The following AHR variants were observed in gnomAD, a reference collection of about 807,000 sequenced individuals.
AHR encodes the protein AH-receptor.
AHR carries 40 observed loss-of-function variants against 86.8 expected under a neutral mutation model. The ratio of observed to expected loss-of-function variants is 0.46; its 90% CI spans 0.36 to 0.60. AHR has a LOEUF of 0.60. Ranked by LOEUF, AHR falls within the 20% of genes least tolerant of loss-of-function variation. The pLI, the probability that AHR is intolerant of heterozygous loss-of-function variation, is 0.00. For missense variants in AHR, 1,001 were observed against 1,011.6 expected (o/e 0.99, Z 0.14); for synonymous variants, 398 against 354.9 (o/e 1.12, Z -1.37).
intron 2 of AHR, among the ~76,000 whole-genome samples, chr7:17,314,232 G>A (rs1782093969): frequency 6.6e-6 from 1 of 152,004 alleles, no homozygotes; most frequent in Admixed American, 6.6e-5. Context: ...GGGAATAGTA[G>A]TATTCTAGTT....
chr7:17,323,575 A>G (rs1054679388), intron 3 of AHR, among the ~76,000 whole-genome samples: 2 of 152,156 alleles, frequency 1.3e-5, no homozygotes, highest in African/African-American at 4.8e-5. Flanking sequence ...TGTCACCGCT[A>G]TGTGATCATT....
At chr7:17,338,947 T>C (rs772590526) in intron 9 of AHR, 39 bp from the exon 10 acceptor site, 10 of 1,503,622 alleles carry the variant, frequency 6.7e-6, no homozygotes, top group Non-Finnish European at 8.9e-6. Context: ...AAATGTTTGA[T>C]AGAATTTTTT....
chr7:17,314,568 TA>T (rs1782097270), intron 2 of AHR, among the ~76,000 whole-genome samples: 2 of 152,094 alleles, frequency 1.3e-5, no homozygotes, highest in African/African-American at 4.8e-5. Flanking sequence ...CTATTGTGTT[TA>T]TTCATCTTCA....
In AHR at chr7:17,309,984, G is replaced by T. The variant is rs773041710; in HGVS notation, c.114G>T (p.Arg38=). ...GAATCAAGTCAAATCCTTCCAAGCG[G>T]CATAGAGACCGACTTAATACAGAGT... ...AEGIKSNPSK[R]HRDRLNTELD... is the part of the protein sequence containing the mutation. Residue 38 remains arginine, a synonymous_variant, in exon 2 of 11, where the codon CGG becomes CGT. Coordinates refer to ENST00000242057, the MANE Select transcript of AHR (RefSeq NM_001621.5). 1.2e-6 allele frequency: 2 copies of T among 1,610,244 alleles called. No individual in the cohort carries two copies. Among genetic ancestry groups the T allele is most frequent in the South Asian group, 2.2e-5 (2 of 90,624 alleles).
At chr7:17,305,974 G>A (rs1294495779) in intron 1 of AHR, among the ~76,000 whole-genome samples, 2 of 152,068 alleles carry the variant, frequency 1.3e-5, no homozygotes, top group South Asian at 2.1e-4. Context: ...GCAGTCAGCT[G>A]GAGTCTTGAT....
Position 17,339,797 on chromosome 7 carries a change from C to A in AHR, c.1972C>A (p.Gln658Lys), listed in dbSNP as rs536076284. Reference protein sequence around the residue: ...NGMFENWNSNQFVPFNCPQQD... With the variant: ...NGMFENWNSNKFVPFNCPQQD... ...CATGTTTGAAAATTGGAACTCTAAC[C>A]AATTCGTGCCTTTCAATTGTCCACA... Residue 658 changes from glutamine (Q) to lysine (K), a missense_variant, in exon 10 of 11, where the codon CAA becomes AAA. Gln to Lys is a moderately conservative substitution (Grantham distance 53). Around this residue, in one of 2 missense-constraint regions of AHR, gnomAD observed 607 missense variants for 543.1 expected, o/e 1.12. Transcript: ENST00000242057. 5 of 1,614,176 alleles carry A rather than the reference C, an allele frequency of 3.1e-6. No individual in the cohort carries two copies. The highest frequency in any genetic ancestry group is 2.2e-5 in the East Asian group (1 of 44,886).
intron 2 of AHR, among the ~76,000 whole-genome samples, chr7:17,321,920 T>C (rs577347533): frequency 9.2e-5 from 14 of 152,200 alleles, no homozygotes; most frequent in African/African-American, 3.4e-4. Flanking sequence ...CTCCATGAGT[T>C]AATTTATAAA....
chr7:17,339,720 T>C lies in AHR; in HGVS notation c.1895T>C (p.Val632Ala), dbSNP rs755708365. 2.4e-5 allele frequency: 38 copies of C among 1,613,980 alleles called. No individual in the cohort carries two copies. Among genetic ancestry groups the C allele is most frequent in the Non-Finnish European group, 3.2e-5 (38 of 1,180,024 alleles). The change falls in exon 10 of 11, where the codon GTG (valine) becomes GCG (alanine). Residue 632 changes from valine to alanine, a missense_variant. Transcript: ENST00000242057. Reference sequence around the variant, plus strand: ...CAACATCACCAAAAGCAAGTAGTAGTGGAGCCACAGCAACAGCTGTGTCAG... The same window carrying C: ...CAACATCACCAAAAGCAAGTAGTAGCGGAGCCACAGCAACAGCTGTGTCAG... ...QQQHHQKQVV[V>A]EPQQQLCQKM...
At position 17,317,121 on chromosome 7, in the gene AHR, T is replaced by TG. The variant is rs551499922; in HGVS notation, c.254-5380_254-5379insG. 1.3e-3 allele frequency among the ~76,000 whole-genome samples: 189 copies of TG among 149,932 alleles called. 4 individuals are homozygous for TG. The highest frequency in any genetic ancestry group is 4.1e-3 in the African/African-American group (168 of 40,984). On this transcript the variant is annotated intron_variant, in intron 2 of 10. Transcript: ENST00000242057. The stretch of plus-strand genomic sequence containing the variant: ...TTGTTTTAGTGGAGAATTTTGTTTT[T>TG]TTTTTTTTTTTTGAATATGCATAAG...
At position 17,298,696 on chromosome 7, in the gene AHR, C is replaced by T; in HGVS notation, c.-569C>T. On this transcript the variant is annotated 5_prime_UTR_variant, in exon 1 of 11. Coordinates refer to ENST00000242057, the MANE Select transcript of AHR (RefSeq NM_001621.5). ...CGACGCTCTGTTCCGAGAGCGTGCC[C>T]CGGACCGCCAGCTCAGAACAGGGGC... 1 of 396,280 alleles carries T rather than the reference C, an allele frequency of 2.5e-6. No homozygotes were observed. The highest frequency in any genetic ancestry group is 2.1e-5 in the African/African-American group (1 of 48,590). 24.5% of individuals were successfully genotyped at this position (396,280 alleles called of 1,614,324 possible).
chr7:17,316,664 A>C (rs1440808174), intron 2 of AHR, among the ~76,000 whole-genome samples: 1 of 152,166 alleles, frequency 6.6e-6, no homozygotes, highest in Non-Finnish European at 1.5e-5. Context: ...AAAGAACCTT[A>C]ATGAATTGTA....
chr7:17,343,096 A>AT lies in AHR; in HGVS notation c.*34dup, dbSNP rs1444786330. ...GCCCAATTTTGACCCTGGTTTTTGG[A>AT]TTAAATTAGTTTGTGAAGGATTATG... On this transcript the variant is annotated 3_prime_UTR_variant, in exon 11 of 11. Transcript: ENST00000242057. 1 of 1,609,904 alleles carries AT rather than the reference A, an allele frequency of 6.2e-7. No individual in the cohort carries two copies. Among genetic ancestry groups the AT allele is most frequent in the Non-Finnish European group, 8.5e-7 (1 of 1,176,840 alleles).
intron 1 of AHR, among the ~76,000 whole-genome samples, chr7:17,307,524 T>G (rs1782017932): frequency 6.6e-6 from 1 of 152,074 alleles, no homozygotes; most frequent in South Asian, 2.1e-4. Context: ...TAACTGTAAG[T>G]AATTTCTTAG....
intron 2 of AHR, among the ~76,000 whole-genome samples, chr7:17,319,964 A>G (rs1331072134): frequency 6.6e-6 from 1 of 152,028 alleles, no homozygotes; most frequent in Non-Finnish European, 1.5e-5. Context: ...TTAACCTTAA[A>G]CACAAGAGCA....
rs759642801 is a variant in AHR at position 17,338,951 on chromosome 7, AT to A, written c.1161-28del. 5.3e-6 allele frequency: 8 copies of A among 1,505,092 alleles called. No homozygotes were observed. In the South Asian group the frequency reaches 8.2e-5, roughly 15 times the overall value. 93.2% of individuals were successfully genotyped at this position (1,505,092 alleles called of 1,614,324 possible). A position where few individuals can be genotyped will look rare whatever the true frequency, so the allele number is the denominator to read the frequency against. On this transcript the variant is annotated intron_variant, in intron 9 of 10. Transcript: ENST00000242057. ...TTTTTATTTTAAAATGTTTGATAGA[AT>A]TTTTTTCTAAGACTTTTTTGTACAC...
chr7:17,340,420 T>C (rs749450598), intron 10 of AHR, among the ~76,000 whole-genome samples, 192 bp downstream of exon 10: 4 of 152,004 alleles, frequency 2.6e-5, no homozygotes, highest in Non-Finnish European at 5.9e-5. Flanking sequence ...GTTACTAATA[T>C]ATCATTCACC....
In AHR at chr7:17,317,713, T is replaced by C. The variant is rs78903868; in HGVS notation, c.254-4788T>C. Among the ~76,000 whole-genome samples the C allele has an allele frequency of 6.6e-5, 10 of 152,186 alleles. No individual in the cohort carries two copies. The East Asian group carries it at 1.3e-3, about 21-fold the overall frequency. ...CCTACTGAATCAGAAATTCTAGAGGTGTGGCTAAGCATTGTATTTTAAGCC... is the reference window on the plus strand; with the variant it reads ...CCTACTGAATCAGAAATTCTAGAGGCGTGGCTAAGCATTGTATTTTAAGCC... On this transcript the variant is annotated intron_variant, in intron 2 of 10. Coordinates refer to ENST00000242057, the MANE Select transcript of AHR (RefSeq NM_001621.5).
rs1245454290 is a variant in AHR at position 17,345,071 on chromosome 7, C to T, written c.*2007C>T. On this transcript the variant is annotated 3_prime_UTR_variant, in exon 11 of 11. Transcript: ENST00000242057. ...GTGGCTCACGCCTGTAATCCCAGCA[C>T]TTGGGGAGGGCGAGGAGGGTGGATC... 1.3e-5 allele frequency: 2 copies of T among 151,912 alleles called. No homozygotes were observed. The highest frequency in any genetic ancestry group is 2.9e-5 in the Non-Finnish European group (2 of 67,960). 9.4% of individuals were successfully genotyped at this position (151,912 alleles called of 1,614,324 possible). A position where few individuals can be genotyped will look rare whatever the true frequency, so the allele number is the denominator to read the frequency against.
At position 17,315,850 on chromosome 7, in the gene AHR, A is replaced by G. The variant is rs1584033222; in HGVS notation, c.253+5727A>G. 3.3e-5 allele frequency among the ~76,000 whole-genome samples: 5 copies of G among 152,042 alleles called. No homozygotes were observed. The South Asian group carries it at 8.3e-4, about 25-fold the overall frequency. ...GCTCTTACAGCCTTTTGACTTTTCA[A>G]TCAATGAATTTTAATGAGTAACTCA... On this transcript the variant is annotated intron_variant, in intron 2 of 10. Transcript: ENST00000242057.
Sources: allele counts gnomAD v4.1 joint callset (sites outside exome capture counted in the v4.1 genomes callset), GRCh38; gene constraint gnomAD v4.1.1; regional missense constraint gnomAD v4.1.1; transcripts MANE v1.5; gene names NCBI Gene and HGNC (gene_info 2026-07-23, HGNC 2026-07-21).